Variants in CSMD1 observed in about 807,000 individuals in gnomAD.
The protein encoded by CSMD1 is CUB and sushi domain-containing protein 1.
CSMD1 carries 213 observed loss-of-function variants against 417.5 expected under a neutral mutation model. The ratio of observed to expected loss-of-function variants is 0.51; its 90% CI spans 0.46 to 0.57. CSMD1 has a LOEUF of 0.57. Among genes scored for constraint, CSMD1 ranks in the 20% least tolerant of loss-of-function variants. The pLI is 0.00. For missense variants in CSMD1, 6,923 were observed against 4,529.7 expected (o/e 1.53, Z -15.17); for synonymous variants, 2,862 against 1,736.8 (o/e 1.65, Z -16.11).
chr8:4,077,627 T>G (rs569108547), intron 3 of CSMD1, among the ~76,000 whole-genome samples: 13 of 152,066 alleles, frequency 8.5e-5, no homozygotes, highest in South Asian at 6.2e-4. Flanking sequence ...TCAAGGTCAG[T>G]AGATCCACCC....
intron 10 of CSMD1, among the ~76,000 whole-genome samples, chr8:3,502,537 A>G (rs977610808): frequency 2.0e-5 from 3 of 152,180 alleles, no homozygotes; most frequent in African/African-American, 7.2e-5. Context: ...GGCTAAAAGG[A>G]AATGAGCTGT....
intron 39 of CSMD1, among the ~76,000 whole-genome samples, chr8:3,154,084 A>G (rs1819367297): frequency 6.6e-6 from 1 of 152,148 alleles, no homozygotes; most frequent in Admixed American, 6.5e-5. Context: ...CTCCTGCCTC[A>G]GCCTCCCGAG....
chr8:3,509,624 G>A (rs747733680), intron 10 of CSMD1, among the ~76,000 whole-genome samples: 42 of 152,084 alleles, frequency 2.8e-4, no homozygotes, highest in Admixed American at 1.3e-4. Flanking sequence ...GATCTAATCT[G>A]GGAAAGGGAA....
At chr8:3,235,843 ATGT>A (rs1252772344) in intron 26 of CSMD1, among the ~76,000 whole-genome samples, 3 of 151,840 alleles carry the variant, frequency 2.0e-5, no homozygotes, top group Non-Finnish European at 2.9e-5. Context: ...TGTGAAGTTC[ATGT>A]TGTCTAATAA....
intron 3 of CSMD1, among the ~76,000 whole-genome samples, chr8:4,211,770 C>T (rs1405586327): frequency 1.3e-5 from 2 of 152,170 alleles, no homozygotes; most frequent in Admixed American, 1.3e-4. Flanking sequence ...CCTTCACAAA[C>T]TATTTTCTTC....
At chr8:3,136,114 A>G (rs1285208434) in intron 41 of CSMD1, among the ~76,000 whole-genome samples, 1 of 152,100 alleles carries the variant, frequency 6.6e-6, no homozygotes, top group Non-Finnish European at 1.5e-5. Context: ...CATGCATTAC[A>G]TCTAGCCACT....
At chr8:4,313,872 G>C (rs1302309808) in intron 3 of CSMD1, among the ~76,000 whole-genome samples, 2 of 152,136 alleles carry the variant, frequency 1.3e-5, no homozygotes, top group African/African-American at 2.4e-5. Context: ...AAATTAGCTA[G>C]GCATGGTGGT....
intron 54 of CSMD1, among the ~76,000 whole-genome samples, chr8:2,994,998 T>C (rs1039872858): frequency 5.9e-5 from 9 of 152,192 alleles, no homozygotes; most frequent in African/African-American, 2.2e-4. Flanking sequence ...GATCTAGGTC[T>C]TGGCAGAGTT....
intron 1 of CSMD1, among the ~76,000 whole-genome samples, chr8:4,870,171 T>A (rs571635487): frequency 6.6e-6 from 1 of 152,224 alleles, no homozygotes; most frequent in South Asian, 2.1e-4. Flanking sequence ...TCATGGAAAT[T>A]TATAAAGTAA....
At chr8:3,754,073 C>G in intron 5 of CSMD1, 31 bp from the exon 6 acceptor site, 2 of 1,470,018 alleles carry the variant, frequency 1.4e-6, no homozygotes, top group Non-Finnish European at 1.9e-6. Context: ...AAAAATCTCC[C>G]TTGTAAACCA....
intron 7 of CSMD1, among the ~76,000 whole-genome samples, chr8:3,692,983 T>G (rs1256007168): frequency 2.0e-5 from 3 of 152,210 alleles, no homozygotes; most frequent in Non-Finnish European, 4.4e-5. Context: ...ATATGACTTC[T>G]TTATCATCAA....
At chr8:4,668,452 AT>A (rs1314425434) in intron 1 of CSMD1, among the ~76,000 whole-genome samples, 7 of 145,466 alleles carry the variant, frequency 4.8e-5, no homozygotes, top group Non-Finnish European at 3.0e-5. Context: ...TATTATTATT[AT>A]TATTATTATT....
At chr8:4,965,283 C>T (rs981092960) in intron 1 of CSMD1, among the ~76,000 whole-genome samples, 7 of 152,172 alleles carry the variant, frequency 4.6e-5, no homozygotes, top group African/African-American at 1.4e-4. Flanking sequence ...TTACTGAGTA[C>T]TTATTGTGTA....
At chr8:4,575,819 C>A (rs757287482) in intron 2 of CSMD1, among the ~76,000 whole-genome samples, 1 of 152,126 alleles carries the variant, frequency 6.6e-6, no homozygotes, top group Non-Finnish European at 1.5e-5. Flanking sequence ...AGTCTGAGGT[C>A]GCAATGTCCT....
intron 8 of CSMD1, among the ~76,000 whole-genome samples, chr8:3,615,669 A>G (rs577661618): frequency 3.9e-5 from 6 of 152,302 alleles, no homozygotes; most frequent in African/African-American, 1.2e-4. Flanking sequence ...ATTTAACTAA[A>G]AAACATTCCT....
At chr8:3,963,375 C>G (rs1002790215) in intron 5 of CSMD1, among the ~76,000 whole-genome samples, 1 of 152,116 alleles carries the variant, frequency 6.6e-6, no homozygotes, top group African/African-American at 2.4e-5. Context: ...GCAAGATTTT[C>G]AGTAATATAT....
chr8:4,786,869 T>C (rs10101808), intron 1 of CSMD1, among the ~76,000 whole-genome samples: 18,588 of 152,186 alleles, frequency 0.12, 1,332 homozygotes, highest in East Asian at 0.22. Flanking sequence ...AAAATAGTAA[T>C]TATTTAAGTG....
intron 2 of CSMD1, among the ~76,000 whole-genome samples, chr8:4,503,638 G>A (rs190831318): frequency 1.5e-3 from 221 of 152,106 alleles, no homozygotes; most frequent in African/African-American, 5.0e-3. Context: ...CACTGCAACC[G>A]AGGCCCAACA....
At chr8:3,276,649 C>G (rs34835783) in intron 26 of CSMD1, among the ~76,000 whole-genome samples, 1 of 151,760 alleles carries the variant, frequency 6.6e-6, no homozygotes, top group Non-Finnish European at 1.5e-5. Flanking sequence ...ACAGCCAAAC[C>G]GTATCATTAT....
Sources: allele counts gnomAD v4.1 joint callset (sites outside exome capture counted in the v4.1 genomes callset), GRCh38; gene constraint gnomAD v4.1.1; transcripts MANE v1.5; gene names NCBI Gene and HGNC (gene_info 2026-07-23, HGNC 2026-07-21).